Variants in MTUS1 observed in about 807,000 individuals in gnomAD.
MTUS1 encodes the protein microtubule-associated tumor suppressor 1.
MTUS1 carries 109 observed loss-of-function variants against 120.8 expected under a neutral mutation model. That is an observed-to-expected ratio of 0.90 (90% CI 0.77 to 1.06). The LOEUF is 1.06. Ranked by LOEUF, MTUS1 falls within the 50% of genes least tolerant of loss-of-function variation. The pLI is 0.00. For synonymous variants in MTUS1, 737 were observed against 550.5 expected, an observed-to-expected ratio of 1.34 and a Z score of -4.74; for missense variants, 2,210 against 1,486.3, an observed-to-expected ratio of 1.49 and a Z score of -8.01.
intron 3 of MTUS1, among the ~76,000 whole-genome samples, chr8:17,731,724 CA>C (rs982233976): frequency 6.6e-6 from 1 of 151,004 alleles, no homozygotes; most frequent in African/African-American, 2.4e-5. Flanking sequence ...AGCAGCAGAT[CA>C]AAAAAAAATC....
intron 8 of MTUS1, among the ~76,000 whole-genome samples, chr8:17,658,332 C>G (rs185579422): frequency 3.3e-5 from 5 of 152,278 alleles, no homozygotes; most frequent in Admixed American, 6.5e-5. Flanking sequence ...ATCTGATACA[C>G]ATAATTGAAA....
At chr8:17,730,406 G>GC (rs1204038089) in intron 3 of MTUS1, among the ~76,000 whole-genome samples, 2 of 150,960 alleles carry the variant, frequency 1.3e-5, no homozygotes, top group Non-Finnish European at 2.9e-5. Flanking sequence ...AATCACTTGA[G>GC]CCTGGAAGGT....
Position 17,723,844 on chromosome 8 carries a change from A to C in MTUS1, c.2288-11T>G. ...AGGATGTAGGCTTTCCTTGGGGTTT[A>C]AAAAAAACAAAAAGTTTCCAGTGCT... On this transcript the variant is annotated splice_polypyrimidine_tract_variant and intron_variant, in intron 3 of 14. Transcript: ENST00000693296. 1 of 1,525,376 alleles carries C rather than the reference A, an allele frequency of 6.6e-7. No homozygotes were observed. The highest frequency in any genetic ancestry group is 2.3e-5 in the East Asian group (1 of 43,964). The allele number at this position is 1,525,376 out of a possible 1,614,324, so 94.5% of individuals were successfully genotyped here. A position where few individuals can be genotyped will look rare whatever the true frequency, so the allele number is the denominator to read the frequency against.
intron 1 of MTUS1, among the ~76,000 whole-genome samples, chr8:17,764,348 T>C (rs1048181572): frequency 1.4e-5 from 2 of 141,484 alleles, no homozygotes; most frequent in African/African-American, 5.3e-5. Context: ...GGTTCTAAAA[T>C]AGCAGGGAAA....
chr8:17,799,306 C>A (rs1330192224), intron 1 of MTUS1, among the ~76,000 whole-genome samples: 3 of 151,980 alleles, frequency 2.0e-5, no homozygotes, highest in Non-Finnish European at 4.4e-5. Context: ...TATTAAGTAG[C>A]CACTAAGATT....
intron 2 of MTUS1, among the ~76,000 whole-genome samples, chr8:17,744,213 T>C (rs1213328409): frequency 6.6e-6 from 1 of 152,220 alleles, no homozygotes; most frequent in Non-Finnish European, 1.5e-5. Context: ...TAGAGAATCT[T>C]CTTCCCTTCC....
chr8:17,725,173 G>A lies in MTUS1; in HGVS notation c.2288-1340C>T, dbSNP rs190064728. ...ATGCTACCAGTACCACCTAACTGAA[G>A]ACTACCCAGAGTTGAAAAAGACCTT... On this transcript the variant is annotated intron_variant, in intron 3 of 14. Transcript: ENST00000693296. 3.4e-4 allele frequency among the ~76,000 whole-genome samples: 52 copies of A among 152,200 alleles called. No homozygotes were observed. In the East Asian group the frequency reaches 8.5e-3, roughly 25 times the overall value.
chr8:17,702,398 T>G (rs777056357), intron 6 of MTUS1, among the ~76,000 whole-genome samples: 9 of 152,152 alleles, frequency 5.9e-5, no homozygotes, highest in Non-Finnish European at 1.0e-4. Flanking sequence ...TTTTTAATTG[T>G]GGCAAGAACA....
intron 2 of MTUS1, among the ~76,000 whole-genome samples, chr8:17,745,048 C>G (rs1027878064): frequency 2.0e-5 from 3 of 152,196 alleles, no homozygotes; most frequent in African/African-American, 7.2e-5. Context: ...GATGTGTCAT[C>G]AGCCATGGTC....
intron 7 of MTUS1, among the ~76,000 whole-genome samples, chr8:17,675,487 G>C (rs551428208): frequency 6.6e-6 from 1 of 152,210 alleles, no homozygotes; most frequent in Non-Finnish European, 1.5e-5. Flanking sequence ...GTTTGACGCA[G>C]TGAATGGCCC....
chr8:17,661,886 G>A (rs1210374211), intron 8 of MTUS1, among the ~76,000 whole-genome samples: 1 of 152,208 alleles, frequency 6.6e-6, no homozygotes, highest in Non-Finnish European at 1.5e-5. Context: ...CTGGGCTGCA[G>A]TAATCGCTCA....
At chr8:17,720,070 C>T (rs1308881150) in intron 4 of MTUS1, among the ~76,000 whole-genome samples, 4 of 152,092 alleles carry the variant, frequency 2.6e-5, no homozygotes, top group Non-Finnish European at 4.4e-5. Flanking sequence ...TGGGACCGGG[C>T]GTGGTGGCTC....
chr8:17,723,970 C>A, intron 3 of MTUS1, 137 bp from the exon 4 acceptor site: 1 of 690,282 alleles, frequency 1.4e-6, no homozygotes, highest in South Asian at 2.0e-5. Context: ...CATGTAACTT[C>A]AGATGAAAGA....
intron 2 of MTUS1, among the ~76,000 whole-genome samples, chr8:17,746,221 G>C (rs535734645): frequency 6.6e-6 from 1 of 152,206 alleles, no homozygotes; most frequent in South Asian, 2.1e-4. Context: ...ACATGATCTT[G>C]GCTGCTGTTT....
At chr8:17,769,614 T>A (rs2131438860) in intron 1 of MTUS1, among the ~76,000 whole-genome samples, 1 of 152,156 alleles carries the variant, frequency 6.6e-6, no homozygotes, top group South Asian at 2.1e-4. Context: ...CCCAAAGTGC[T>A]GGGATTACAG....
At position 17,721,986 on chromosome 8, in the gene MTUS1, G is replaced by A. The variant is rs562819296; in HGVS notation, c.2449+1686C>T. ...CCTCATGCTTGCTCTTAGTGAATTC[G>A]AATGGAGGGAAAAAAAAAAAAATGC... On this transcript the variant is annotated intron_variant, in intron 4 of 14. Coordinates refer to ENST00000693296, the MANE Select transcript of MTUS1 (RefSeq NM_001363059.2). The A allele has an allele frequency of 6.7e-5, 92 of 1,374,674 alleles. No homozygotes were observed. In the African/African-American group the frequency reaches 1.0e-3, roughly 15 times the overall value. The allele number at this position is 1,374,674 out of a possible 1,614,324, so 85.2% of individuals were successfully genotyped here.
chr8:17,785,616 T>C (rs2051239134), intron 1 of MTUS1, among the ~76,000 whole-genome samples: 1 of 152,238 alleles, frequency 6.6e-6, no homozygotes. Context: ...GTTTACGTAA[T>C]ATACATTTAG....
At chr8:17,739,079 G>T (rs536240332) in intron 3 of MTUS1, among the ~76,000 whole-genome samples, 7 of 152,212 alleles carry the variant, frequency 4.6e-5, no homozygotes, top group Admixed American at 2.0e-4. Context: ...GGAATTCAAG[G>T]CTGCAGTGAT....
intron 8 of MTUS1, among the ~76,000 whole-genome samples, chr8:17,659,230 G>A (rs1375879636): frequency 6.6e-6 from 1 of 152,120 alleles, no homozygotes; most frequent in Non-Finnish European, 1.5e-5. Context: ...TGCTGGGGCT[G>A]GCAAGGCGCA....
Sources: allele counts gnomAD v4.1 joint callset (sites outside exome capture counted in the v4.1 genomes callset), GRCh38; gene constraint gnomAD v4.1.1; transcripts MANE v1.5; gene names NCBI Gene and HGNC (gene_info 2026-07-23, HGNC 2026-07-21).